Variants in ADGRL2 observed in about 807,000 individuals in gnomAD.
The protein encoded by ADGRL2 is adhesion G protein-coupled receptor L2.
A neutral mutation model predicts 157.4 loss-of-function variants in ADGRL2; 44 were observed. The observed-to-expected ratio is 0.28, with a 90% CI of 0.22 to 0.36. ADGRL2 has a LOEUF of 0.36. Among genes scored for constraint, ADGRL2 ranks in the 10% least tolerant of loss-of-function variants. The probability of loss-of-function intolerance (pLI) is 1.00; values close to 1 mark genes in which losing one functional copy is unlikely to be tolerated. For synonymous variants in ADGRL2, 585 were observed against 624.7 expected, an observed-to-expected ratio of 0.94 and a Z score of 0.95; for missense variants, 1,510 against 1,768.9, an observed-to-expected ratio of 0.85 and a Z score of 2.63.
At chr1:81,495,109 C>T (rs1159490356) in intron 2 of ADGRL2, among the ~76,000 whole-genome samples, 2 of 152,112 alleles carry the variant, frequency 1.3e-5, no homozygotes, top group African/African-American at 4.8e-5. Context: ...AGAAGGAAAT[C>T]TCCTGTTCTC....
chr1:81,769,845 T>C (rs1249829866), intron 2 of ADGRL2, among the ~76,000 whole-genome samples: 1 of 151,926 alleles, frequency 6.6e-6, no homozygotes, highest in Admixed American at 6.6e-5. Flanking sequence ...TTTTCAGTAA[T>C]GTTTTTATTT....
At chr1:81,804,404 C>A (rs1049364286) in intron 1 of ADGRL2, among the ~76,000 whole-genome samples, 2 of 152,182 alleles carry the variant, frequency 1.3e-5, no homozygotes, top group Non-Finnish European at 2.9e-5. Context: ...GAATTCTTAC[C>A]GTTTGAAGGG....
chr1:81,320,399 T>C (rs547737212), intron 1 of ADGRL2, among the ~76,000 whole-genome samples: 1 of 152,346 alleles, frequency 6.6e-6, no homozygotes, highest in African/African-American at 2.4e-5. Flanking sequence ...TCTAGAATGG[T>C]GAATCCTTGC....
chr1:81,438,839 C>T (rs191016614), intron 1 of ADGRL2, among the ~76,000 whole-genome samples: 1 of 152,184 alleles, frequency 6.6e-6, no homozygotes, highest in East Asian at 1.9e-4. Flanking sequence ...GTCCAAAATC[C>T]TTAGGGTGTT....
intron 11 of ADGRL2, 44 bp downstream of exon 11, chr1:81,956,104 C>T (rs771676796): frequency 7.2e-7 from 1 of 1,392,136 alleles, no homozygotes; most frequent in Non-Finnish European, 9.8e-7. Flanking sequence ...TTAGGATATT[C>T]ATATGTAAGA....
intron 2 of ADGRL2, among the ~76,000 whole-genome samples, chr1:81,532,835 A>T (rs530792853): frequency 6.6e-6 from 1 of 152,116 alleles, no homozygotes; most frequent in Non-Finnish European, 1.5e-5. Flanking sequence ...TGGGAGGATC[A>T]CTTGAGCCCA....
intron 2 of ADGRL2, among the ~76,000 whole-genome samples, chr1:81,481,495 G>T (rs1414084846): frequency 1.3e-5 from 2 of 152,220 alleles, no homozygotes; most frequent in Non-Finnish European, 2.9e-5. Context: ...CTCCCAGGCA[G>T]GTGGGCAACT....
At chr1:81,551,880 T>A (rs1570471506) in intron 2 of ADGRL2, among the ~76,000 whole-genome samples, 1 of 152,316 alleles carries the variant, frequency 6.6e-6, no homozygotes, top group Non-Finnish European at 1.5e-5. Context: ...GGAAAATAGA[T>A]CCCATGAATT....
intron 2 of ADGRL2, among the ~76,000 whole-genome samples, chr1:81,895,323 A>G (rs1431969945): frequency 6.6e-6 from 1 of 152,078 alleles, no homozygotes; most frequent in African/African-American, 2.4e-5. Flanking sequence ...TGGAAATATA[A>G]TAAAAATTGG....
intron 1 of ADGRL2, among the ~76,000 whole-genome samples, chr1:81,397,525 T>C (rs2076678274): frequency 6.6e-6 from 1 of 152,010 alleles, no homozygotes; most frequent in African/African-American, 2.4e-5. Context: ...TTCACTGTGT[T>C]AGCCAGGATG....
chr1:81,405,631 CAAA>C (rs35052629), intron 1 of ADGRL2, among the ~76,000 whole-genome samples: 3 of 119,258 alleles, frequency 2.5e-5, no homozygotes, highest in African/African-American at 3.1e-5. Context: ...GCCTGAATGA[CAAA>C]AAAAAAAAAA....
intron 2 of ADGRL2, among the ~76,000 whole-genome samples, chr1:81,888,663 A>G (rs923845230): frequency 5.3e-5 from 8 of 152,072 alleles, no homozygotes; most frequent in African/African-American, 1.9e-4. Context: ...TAGTAGACCC[A>G]GGATGTTCTC....
chr1:81,488,854 G>A (rs144921553), intron 2 of ADGRL2, among the ~76,000 whole-genome samples: 29 of 152,078 alleles, frequency 1.9e-4, no homozygotes, highest in African/African-American at 6.5e-4. Context: ...CTTTAAAATA[G>A]CACCTTAAAG....
intron 2 of ADGRL2, among the ~76,000 whole-genome samples, chr1:81,793,272 T>C (rs1571243343): frequency 1.3e-5 from 2 of 152,262 alleles, no homozygotes; most frequent in Admixed American, 6.5e-5. Context: ...CTCTAACTTT[T>C]CTCATTACCC....
At chr1:81,817,984 C>A (rs2090586090) in intron 1 of ADGRL2, among the ~76,000 whole-genome samples, 1 of 151,568 alleles carries the variant, frequency 6.6e-6, no homozygotes, top group African/African-American at 2.4e-5. Context: ...GGTAACATAG[C>A]AAGACCCGTT....
At chr1:81,445,676 C>G (rs2077585002) in intron 2 of ADGRL2, among the ~76,000 whole-genome samples, 1 of 152,084 alleles carries the variant, frequency 6.6e-6, no homozygotes, top group African/African-American at 2.4e-5. Context: ...TTAAAGCGGA[C>G]TTACATAGGA....
At chr1:81,425,129 TAGAG>T (rs1302622362) in intron 1 of ADGRL2, among the ~76,000 whole-genome samples, 2 of 151,956 alleles carry the variant, frequency 1.3e-5, no homozygotes, top group East Asian at 3.9e-4. Flanking sequence ...GAGAGAGACA[TAGAG>T]AGAATAAAAG....
At chr1:81,430,420 C>T (rs1365689079) in intron 1 of ADGRL2, among the ~76,000 whole-genome samples, 1 of 152,124 alleles carries the variant, frequency 6.6e-6, no homozygotes, top group Non-Finnish European at 1.5e-5. Context: ...TCTGTCAATG[C>T]CCCAGGGGAT....
intron 2 of ADGRL2, among the ~76,000 whole-genome samples, chr1:81,467,767 G>T (rs2078090562): frequency 6.6e-6 from 1 of 152,078 alleles, no homozygotes. Flanking sequence ...AATAGGAGGA[G>T]TCATTAGGAA....
Sources: allele counts gnomAD v4.1 joint callset (sites outside exome capture counted in the v4.1 genomes callset), GRCh38; gene constraint gnomAD v4.1.1; transcripts MANE v1.5; gene names NCBI Gene and HGNC (gene_info 2026-07-23, HGNC 2026-07-21).